The following SGIP1 variants were observed in gnomAD, a reference collection of about 807,000 sequenced individuals.
SGIP1 encodes SH3GL interacting endocytic adaptor 1.
In SGIP1, 38 loss-of-function variants were observed where a neutral mutation model predicts 107.5. The ratio of observed to expected loss-of-function variants is 0.35; its 90% CI spans 0.27 to 0.46. The LOEUF (loss-of-function observed/expected upper bound fraction) is 0.46, where lower values mean the gene tolerates loss of function less well. Ranked by LOEUF, SGIP1 falls within the 20% of genes least tolerant of loss-of-function variation. The pLI is 1.00. For synonymous variants in SGIP1, 365 were observed against 366.1 expected (o/e 1.00, Z 0.03); for missense variants, 929 against 1,019.5 (o/e 0.91, Z 1.21).
intron 5 of SGIP1, among the ~76,000 whole-genome samples, chr1:66,640,543 T>C (rs1571093912): frequency 1.3e-5 from 2 of 151,980 alleles, no homozygotes; most frequent in African/African-American, 4.8e-5. Context: ...GTTGATGAGG[T>C]CCCTGAAATG....
chr1:66,626,137 CTTTTTTTTT>C (rs35959436), intron 2 of SGIP1: 1,232 of 123,138 alleles, frequency 0.01, no homozygotes, highest in East Asian at 0.064. Flanking sequence ...TTCTTTCTTT[CTTTTTTTTT>C]TTTTTTTTTT....
intron 7 of SGIP1, among the ~76,000 whole-genome samples, chr1:66,646,121 G>T (rs2077615838): frequency 6.6e-6 from 1 of 152,124 alleles, no homozygotes; most frequent in Admixed American, 6.5e-5. Flanking sequence ...GATTACAGGT[G>T]TGAGCCACCG....
In SGIP1 at chr1:66,677,030, G is replaced by A. The variant is rs1397064850; in HGVS notation, c.673G>A (p.Gly225Ser). 1 of 1,613,682 alleles carries A rather than the reference G, an allele frequency of 6.2e-7. No homozygotes were observed. The highest frequency in any genetic ancestry group is 2.2e-5 in the East Asian group (1 of 44,856). The change falls in exon 13 of 25, where the codon GGT becomes AGT. Residue 225 changes from glycine to serine, a missense_variant. By Grantham distance (56) the Gly-to-Ser change is moderately conservative (BLOSUM62 0). Around this residue, in one of 2 missense-constraint regions of SGIP1, gnomAD observed 588 missense variants for 588.6 expected, o/e 1.00. Coordinates refer to ENST00000371037, the MANE Select transcript of SGIP1 (RefSeq NM_032291.4). ...TCTTTTAGATCAGCCTGAGATATGG[G>A]GTTCAGGCCAACCAATTAATCCAAG... is the stretch of plus-strand genomic sequence containing the variant. ...EVLLDQPEIW[G>S]SGQPINPSME...
At chr1:66,736,431 T>G (rs1398467469) in intron 21 of SGIP1, among the ~76,000 whole-genome samples, 2 of 128,896 alleles carry the variant, frequency 1.6e-5, no homozygotes, top group East Asian at 4.5e-4. Context: ...TATTGCGTAT[T>G]ATATGTGAAT....
chr1:66,535,426 G>A (rs770678972), intron 1 of SGIP1, among the ~76,000 whole-genome samples: 1 of 152,140 alleles, frequency 6.6e-6, no homozygotes, highest in Non-Finnish European at 1.5e-5. Flanking sequence ...TTTGTCCTAC[G>A]GATTTTAACT....
chr1:66,710,044 G>T (rs923799876), intron 18 of SGIP1, among the ~76,000 whole-genome samples: 3 of 151,556 alleles, frequency 2.0e-5, no homozygotes, highest in Non-Finnish European at 4.4e-5. Flanking sequence ...AATATTCCAA[G>T]ATTTAGAGAA....
Position 66,729,455 on chromosome 1 carries a change from A to T in SGIP1, c.1898+36A>T, listed in dbSNP as rs576198194. The T allele has an allele frequency of 4.3e-6, 7 of 1,613,164 alleles. No homozygotes were observed. The African/African-American group carries it at 8.0e-5, about 18-fold the overall frequency. Reference sequence around the variant, plus strand: ...TTTTGCATAAATTTTTCAGAGATACATGTGGCTTAGTACTTTGTACTTAGA... The same window carrying T: ...TTTTGCATAAATTTTTCAGAGATACTTGTGGCTTAGTACTTTGTACTTAGA... On this transcript the variant is annotated intron_variant, in intron 20 of 24. Coordinates refer to ENST00000371037, the MANE Select transcript of SGIP1 (RefSeq NM_032291.4).
chr1:66,690,472 C>A, intron 17 of SGIP1, 156 bp downstream of exon 17: 1 of 941,406 alleles, frequency 1.1e-6, no homozygotes, highest in Non-Finnish European at 1.6e-6. Flanking sequence ...ACCTTCTCAG[C>A]AAAGGAGGCA....
chr1:66,735,549 G>A lies in SGIP1; in HGVS notation c.2031+1669G>A, dbSNP rs1261607537. Reference sequence around the variant, plus strand: ...GAGTGAGATCGTGTGGGCCGGGCGCGGTGGCTCACGCCTGTAATCCCAGCA... The same window carrying A: ...GAGTGAGATCGTGTGGGCCGGGCGCAGTGGCTCACGCCTGTAATCCCAGCA... On this transcript the variant is annotated intron_variant, in intron 21 of 24. Coordinates refer to ENST00000371037, the MANE Select transcript of SGIP1 (RefSeq NM_032291.4). 1.2e-4 allele frequency among the ~76,000 whole-genome samples: 2 copies of A among 16,438 alleles called. 1 individual carries two copies. Among genetic ancestry groups the A allele is most frequent in the Non-Finnish European group, 3.6e-4 (2 of 5,622 alleles). 10.8% of individuals were successfully genotyped at this position (16,438 alleles called of 152,430 possible).
At chr1:66,563,229 T>C (rs1479660468) in intron 1 of SGIP1, among the ~76,000 whole-genome samples, 2 of 151,974 alleles carry the variant, frequency 1.3e-5, no homozygotes, top group Admixed American at 1.3e-4. Context: ...GGAGGGTCAG[T>C]GTGTCTCAGG....
In SGIP1 at chr1:66,663,203, C is replaced by A. The variant is rs141578281; in HGVS notation, c.471+2679C>A. Among the ~76,000 whole-genome samples the A allele has an allele frequency of 6.4e-3, 978 of 152,186 alleles. 15 individuals are homozygous for A. Among genetic ancestry groups the A allele is most frequent in the African/African-American group, 0.022 (921 of 41,514 alleles). The stretch of plus-strand genomic sequence containing the variant: ...AATCTCACAATGTGTATGTGCCTGA[C>A]TCCCAGCACCCCCTCCCCATCCCCC... On this transcript the variant is annotated intron_variant, in intron 8 of 24. Coordinates refer to ENST00000371037, the MANE Select transcript of SGIP1 (RefSeq NM_032291.4).
In SGIP1 at chr1:66,745,263, A is replaced by G. The variant is rs983686299; in HGVS notation, c.*2168A>G. 3.3e-5 allele frequency: 5 copies of G among 151,970 alleles called. No individual in the cohort carries two copies. The highest frequency in any genetic ancestry group is 1.2e-4 in the African/African-American group (5 of 41,444). 9.4% of individuals were successfully genotyped at this position (151,970 alleles called of 1,614,324 possible). A position where few individuals can be genotyped will look rare whatever the true frequency, so the allele number is the denominator to read the frequency against. On this transcript the variant is annotated 3_prime_UTR_variant, in exon 25 of 25. Coordinates refer to ENST00000371037, the MANE Select transcript of SGIP1 (RefSeq NM_032291.4). ...TAACATTATTCAAATCTTTCTAGGGATTAAATTAGAAACTATGAAGAAATC... is the reference window on the plus strand; with the variant it reads ...TAACATTATTCAAATCTTTCTAGGGGTTAAATTAGAAACTATGAAGAAATC...
At chr1:66,707,226 AT>A (rs200446568) in intron 18 of SGIP1, among the ~76,000 whole-genome samples, 18 of 151,258 alleles carry the variant, frequency 1.2e-4, no homozygotes, top group African/African-American at 3.4e-4. Flanking sequence ...GTAGAAAAGC[AT>A]TTTTTTTTCT....
chr1:66,591,277 A>T (rs1190123829), intron 1 of SGIP1, among the ~76,000 whole-genome samples: 2 of 152,234 alleles, frequency 1.3e-5, no homozygotes, highest in African/African-American at 4.8e-5. Context: ...TGTTAACAAT[A>T]AAATTTTCTC....
chr1:66,673,139 G>A (rs1293883182), intron 11 of SGIP1, 142 bp from the exon 12 acceptor site: 1 of 754,492 alleles, frequency 1.3e-6, no homozygotes, highest in East Asian at 2.6e-5. Context: ...AGCCCTAACG[G>A]GGCTTGTATA....
intron 1 of SGIP1, among the ~76,000 whole-genome samples, chr1:66,610,002 C>G (rs553215123): frequency 7.9e-5 from 12 of 152,090 alleles, no homozygotes; most frequent in African/African-American, 2.9e-4. Context: ...AGTTCAAAGT[C>G]TTTTTAGAGC....
chr1:66,649,635 A>C (rs1455596785), intron 7 of SGIP1, among the ~76,000 whole-genome samples: 3 of 152,192 alleles, frequency 2.0e-5, no homozygotes, highest in Non-Finnish European at 4.4e-5. Flanking sequence ...TCATACAAGA[A>C]AAGGCTTTGT....
intron 7 of SGIP1, among the ~76,000 whole-genome samples, chr1:66,650,963 T>G (rs576906875): frequency 1.4e-4 from 21 of 152,296 alleles, no homozygotes; most frequent in Admixed American, 1.3e-4. Context: ...CATGTAGCCC[T>G]GAGCAAATTG....
intron 19 of SGIP1, among the ~76,000 whole-genome samples, chr1:66,723,577 T>G (rs935507893): frequency 2.0e-5 from 3 of 152,198 alleles, no homozygotes; most frequent in African/African-American, 7.2e-5. Context: ...TCTCTTATCC[T>G]TCTTTTATCA....
Sources: gnomAD v4.1 joint callset for allele counts (sites outside exome capture counted in the v4.1 genomes callset) on GRCh38, gnomAD v4.1.1 for gene constraint, gnomAD v4.1.1 regional missense constraint, MANE v1.5 for transcripts, NCBI Gene and HGNC (gene_info 2026-07-23, HGNC 2026-07-21) for gene names.